Variants in CAMK2D observed in about 807,000 individuals in gnomAD.
CAMK2D encodes the protein calcium/calmodulin dependent protein kinase II delta.
CAMK2D carries 37 observed loss-of-function variants against 84.0 expected under a neutral mutation model. The observed-to-expected ratio is 0.44, with a 90% CI of 0.34 to 0.58. The LOEUF is 0.58. Ranked by LOEUF, CAMK2D falls within the 20% of genes least tolerant of loss-of-function variation. CAMK2D has a pLI of 0.02. For missense variants in CAMK2D, 448 were observed against 652.5 expected (o/e 0.69, Z 3.41); for synonymous variants, 202 against 212.5 (o/e 0.95, Z 0.43).
intron 4 of CAMK2D, among the ~76,000 whole-genome samples, chr4:113,579,365 A>G (rs1336198885): frequency 6.6e-6 from 1 of 152,122 alleles, no homozygotes; most frequent in East Asian, 1.9e-4. Context: ...TATGGTTTGG[A>G]TATTTGTTCT....
At chr4:113,541,295 A>G (rs1006458501) in intron 6 of CAMK2D, among the ~76,000 whole-genome samples, 1 of 152,208 alleles carries the variant, frequency 6.6e-6, no homozygotes, top group African/African-American at 2.4e-5. Flanking sequence ...ACGTGATACT[A>G]AAGAAGCTCC....
chr4:113,573,847 C>A (rs1026526398), intron 4 of CAMK2D, among the ~76,000 whole-genome samples: 3 of 152,154 alleles, frequency 2.0e-5, no homozygotes, highest in Admixed American at 6.5e-5. Flanking sequence ...CTGACTCCCC[C>A]ACCTTTTGCC....
At chr4:113,707,590 G>C (rs1379721064) in intron 2 of CAMK2D, among the ~76,000 whole-genome samples, 2 of 152,058 alleles carry the variant, frequency 1.3e-5, no homozygotes, top group African/African-American at 4.8e-5. Flanking sequence ...ACAGGAGTGA[G>C]AACTATAATC....
Position 113,759,333 on chromosome 4 carries a change from CT to C in CAMK2D, c.146del (p.Lys49SerfsTer10). On this transcript the variant is annotated frameshift_variant, in exon 2 of 21. Coordinates refer to ENST00000511664, the MANE Select transcript of CAMK2D (RefSeq NM_001321571.2). LOFTEE classifies it high-confidence loss of function. ...EYAAKIINTKKLSARDHQKLE... is the reference protein window; with the variant it reads ...EYAAKIINTKXLSARDHQKLE... ...GAAAATACCCACCCCTAGCAGAAAG[CT>C]TTTTGGTGTTGATAATTTTGGCAGC... 6.2e-7 allele frequency: 1 copy of C among 1,606,146 alleles called. No homozygotes were observed. The highest frequency in any genetic ancestry group is 8.5e-7 in the Non-Finnish European group (1 of 1,175,324).
chr4:113,521,785 A>T (rs1220650456), intron 8 of CAMK2D, among the ~76,000 whole-genome samples: 1 of 152,190 alleles, frequency 6.6e-6, no homozygotes, highest in Non-Finnish European at 1.5e-5. Flanking sequence ...GATATACTTT[A>T]AAATATTTAT....
intron 2 of CAMK2D, among the ~76,000 whole-genome samples, chr4:113,715,717 T>C (rs1434702634): frequency 6.6e-6 from 1 of 152,164 alleles, no homozygotes; most frequent in East Asian, 1.9e-4. Context: ...TATCCTACAG[T>C]GAAACAGTAT....
In CAMK2D at chr4:113,477,968, G is replaced by A. The variant is rs187302523; in HGVS notation, c.1136-12364C>T. Among the ~76,000 whole-genome samples, 413 of 152,092 alleles carry A rather than the reference G, an allele frequency of 2.7e-3. 1 individual carries two copies. The highest frequency in any genetic ancestry group is 5.3e-3 in the Admixed American group (81 of 15,290). On this transcript the variant is annotated intron_variant, in intron 16 of 20. Transcript: ENST00000511664. Reference sequence around the variant, plus strand: ...TTTAATGTATAGTAGATACATATTTGTGAGTATGACTCCTTCAAAAGATGA... The same window carrying A: ...TTTAATGTATAGTAGATACATATTTATGAGTATGACTCCTTCAAAAGATGA...
intron 2 of CAMK2D, among the ~76,000 whole-genome samples, chr4:113,758,767 C>G (rs568943666): frequency 6.6e-5 from 10 of 152,176 alleles, no homozygotes; most frequent in African/African-American, 2.2e-4. Context: ...AGCCTTAATG[C>G]GAAGACCAAG....
At chr4:113,506,545 A>T (rs1444071353) in intron 13 of CAMK2D, among the ~76,000 whole-genome samples, 5 of 152,198 alleles carry the variant, frequency 3.3e-5, no homozygotes, top group Non-Finnish European at 7.3e-5. Flanking sequence ...TTAAAGAGGG[A>T]TCAAAATTCA....
intron 3 of CAMK2D, among the ~76,000 whole-genome samples, chr4:113,622,769 T>A (rs1280972845): frequency 6.6e-6 from 1 of 152,158 alleles, no homozygotes; most frequent in African/African-American, 2.4e-5. Flanking sequence ...CTCAAAAATA[T>A]ATAAATATGT....
chr4:113,498,112 A>G (rs2097967554), intron 16 of CAMK2D, among the ~76,000 whole-genome samples: 1 of 152,190 alleles, frequency 6.6e-6, no homozygotes, highest in Non-Finnish European at 1.5e-5. Context: ...TTTTGGTTTC[A>G]ACAGAGCTGG....
chr4:113,582,121 T>C (rs532584661), intron 4 of CAMK2D, among the ~76,000 whole-genome samples: 1 of 152,280 alleles, frequency 6.6e-6, no homozygotes, highest in South Asian at 2.1e-4. Context: ...TCCAAGACTT[T>C]AGAATTTTGG....
At chr4:113,539,874 T>A (rs1343130112) in intron 6 of CAMK2D, among the ~76,000 whole-genome samples, 1 of 152,182 alleles carries the variant, frequency 6.6e-6, no homozygotes, top group Admixed American at 6.5e-5. Flanking sequence ...GGATGATTAC[T>A]AAAATTTAGG....
intron 3 of CAMK2D, among the ~76,000 whole-genome samples, chr4:113,623,621 C>G (rs980568217): frequency 1.3e-5 from 2 of 152,228 alleles, no homozygotes; most frequent in African/African-American, 4.8e-5. Flanking sequence ...CAACTGTTAA[C>G]ATAATGGTTA....
At chr4:113,682,552 C>T (rs2099348899) in intron 2 of CAMK2D, among the ~76,000 whole-genome samples, 1 of 151,956 alleles carries the variant, frequency 6.6e-6, no homozygotes, top group Non-Finnish European at 1.5e-5. Flanking sequence ...CTGTTCAAGA[C>T]TGAAAAAAAC....
intron 4 of CAMK2D, among the ~76,000 whole-genome samples, chr4:113,558,315 T>G (rs1033481428): frequency 6.6e-6 from 1 of 152,242 alleles, no homozygotes; most frequent in Admixed American, 6.5e-5. Flanking sequence ...TTTTAATTCT[T>G]GAAGTCATTA....
At chr4:113,626,184 G>A (rs948373048) in intron 3 of CAMK2D, among the ~76,000 whole-genome samples, 2 of 152,138 alleles carry the variant, frequency 1.3e-5, no homozygotes, top group African/African-American at 4.8e-5. Flanking sequence ...AATGTCCTCA[G>A]TAACTGGTAT....
chr4:113,578,806 C>A (rs2098795673), intron 4 of CAMK2D, among the ~76,000 whole-genome samples: 1 of 152,184 alleles, frequency 6.6e-6, no homozygotes, highest in African/African-American at 2.4e-5. Flanking sequence ...GTAAAAAAAT[C>A]CACATCTAAT....
intron 16 of CAMK2D, among the ~76,000 whole-genome samples, chr4:113,475,524 C>CT (rs1483655270): frequency 6.6e-6 from 1 of 152,126 alleles, no homozygotes; most frequent in African/African-American, 2.4e-5. Context: ...CTAGTGTAGG[C>CT]TCTCAGTCAT....
Sources: gnomAD v4.1 joint callset for allele counts (sites outside exome capture counted in the v4.1 genomes callset) on GRCh38, gnomAD v4.1.1 for gene constraint, MANE v1.5 for transcripts, NCBI Gene and HGNC (gene_info 2026-07-23, HGNC 2026-07-21) for gene names.